GRHL2: variants seen among roughly 807,000 people sequenced by gnomAD.
GRHL2 encodes the protein grainyhead like transcription factor 2, also known as grainyhead-like protein 2 homolog.
In GRHL2, 21 loss-of-function variants were observed where a neutral mutation model predicts 83.8. The observed-to-expected ratio is 0.25, with a 90% CI of 0.18 to 0.36. GRHL2 has a LOEUF of 0.36. Ranked by LOEUF, GRHL2 falls within the 10% of genes least tolerant of loss-of-function variation. The pLI is 1.00. For synonymous variants in GRHL2, 280 were observed against 278.9 expected, an observed-to-expected ratio of 1.00 and a Z score of -0.04; for missense variants, 623 against 781.8, an observed-to-expected ratio of 0.80 and a Z score of 2.42.
At chr8:101,671,745 C>T (rs868219558), downstream of GRHL2, among the ~76,000 whole-genome samples, 35 of 152,332 alleles carry the variant, frequency 2.3e-4, no homozygotes, top group South Asian at 6.2e-4. Flanking sequence ...CCTCCTCAAG[C>T]GGGTCCTTGA....
At chr8:101,507,499 CA>C (rs1810364104) in intron 1 of GRHL2, among the ~76,000 whole-genome samples, 1 of 151,874 alleles carries the variant, frequency 6.6e-6, no homozygotes, top group Non-Finnish European at 1.5e-5. Context: ...ATACTGTTAA[CA>C]ATTTGAAATC....
intron 7 of GRHL2, among the ~76,000 whole-genome samples, chr8:101,597,246 A>T (rs580411): frequency 0.97 from 147,471 of 152,186 alleles, 71,637 homozygotes; most frequent in Non-Finnish European, 0.98. Context: ...TATCACAGAG[A>T]TGTCTGTACC....
At chr8:101,520,068 C>T (rs890767144) in intron 1 of GRHL2, among the ~76,000 whole-genome samples, 2 of 152,130 alleles carry the variant, frequency 1.3e-5, no homozygotes, top group African/African-American at 4.8e-5. Flanking sequence ...TTTGTTTGCC[C>T]TATCTCCTTT....
At chr8:101,641,150 A>G (rs1167249335) in intron 12 of GRHL2, among the ~76,000 whole-genome samples, 12 of 152,154 alleles carry the variant, frequency 7.9e-5, no homozygotes, top group Admixed American at 7.9e-4. Context: ...TGATTCTCTC[A>G]AATGATTTAT....
the GRHL2 span, among the ~76,000 whole-genome samples, chr8:101,678,797 AC>A: frequency 6.6e-6 from 1 of 151,856 alleles, no homozygotes. Context: ...ACTGGGAGGC[AC>A]CCCCCAGCAG....
In GRHL2 at chr8:101,667,938, G is replaced by A. The variant is rs1411265684; in HGVS notation, c.*1235G>A. The A allele has an allele frequency of 6.5e-6, 1 of 152,808 alleles. No homozygotes were observed. Among genetic ancestry groups the A allele is most frequent in the Non-Finnish European group, 1.5e-5 (1 of 68,162 alleles). 9.5% of individuals were successfully genotyped at this position (152,808 alleles called of 1,614,324 possible). A position where few individuals can be genotyped will look rare whatever the true frequency, so the allele number is the denominator to read the frequency against. ...AGAGCTGTGAACAGCTCAGCTCTGA[G>A]TCGGCAGGCTGGGGCTTCCTCCTGG... is the stretch of plus-strand genomic sequence containing the variant. On this transcript the variant is annotated 3_prime_UTR_variant, in exon 16 of 16. Transcript: ENST00000646743.
At chr8:101,595,161 C>T (rs1021352617) in intron 7 of GRHL2, among the ~76,000 whole-genome samples, 1 of 152,164 alleles carries the variant, frequency 6.6e-6, no homozygotes. Context: ...ATAGAGGGCT[C>T]ACAGTAAATA....
chr8:101,536,688 G>A (rs1811052313), intron 1 of GRHL2, among the ~76,000 whole-genome samples: 1 of 152,196 alleles, frequency 6.6e-6, no homozygotes, highest in Non-Finnish European at 1.5e-5. Context: ...GACAGATAAT[G>A]ATGAGGAGTG....
intron 1 of GRHL2, among the ~76,000 whole-genome samples, chr8:101,534,072 G>A (rs186982258): frequency 1.3e-5 from 2 of 152,192 alleles, no homozygotes; most frequent in South Asian, 2.1e-4. Flanking sequence ...AGGAGGGAGC[G>A]GGTAATCATA....
intron 4 of GRHL2, among the ~76,000 whole-genome samples, chr8:101,568,534 A>G (rs1811761046): frequency 2.0e-5 from 3 of 152,206 alleles, no homozygotes; most frequent in Admixed American, 6.5e-5. Flanking sequence ...GACACATGAA[A>G]GAATGAATGA....
chr8:101,502,859 T>G (rs377483921), intron 1 of GRHL2, among the ~76,000 whole-genome samples: 4 of 151,636 alleles, frequency 2.6e-5, no homozygotes, highest in African/African-American at 9.7e-5. Flanking sequence ...TTCTCCCCCT[T>G]CTCCCTTTCC....
chr8:101,636,263 T>C (rs1175140428), intron 11 of GRHL2, among the ~76,000 whole-genome samples: 1 of 152,232 alleles, frequency 6.6e-6, no homozygotes, highest in African/African-American at 2.4e-5. Flanking sequence ...CTAAAGTCTG[T>C]CTTTGGAGAT....
intron 3 of GRHL2, among the ~76,000 whole-genome samples, chr8:101,557,517 C>A (rs1023834448): frequency 2.0e-5 from 3 of 152,144 alleles, no homozygotes; most frequent in Admixed American, 6.5e-5. Flanking sequence ...AGTCACCGCA[C>A]CTGACAACAA....
intron 1 of GRHL2, among the ~76,000 whole-genome samples, chr8:101,511,522 A>G (rs1810465177): frequency 6.6e-6 from 1 of 152,080 alleles, no homozygotes; most frequent in Admixed American, 6.5e-5. Flanking sequence ...TAATTTTTGT[A>G]TTTTTAATAG....
At chr8:101,594,094 AAAAAGAG>A (rs1463654637) in intron 7 of GRHL2, among the ~76,000 whole-genome samples, 1,429 of 108,188 alleles carry the variant, frequency 0.013, 100 homozygotes, top group African/African-American at 0.054. Flanking sequence ...AAAAAAAAAA[AAAAAGAG>A]AGAGATAGTG....
chr8:101,642,020 T>C (rs1419666322), intron 12 of GRHL2, among the ~76,000 whole-genome samples: 1 of 152,162 alleles, frequency 6.6e-6, no homozygotes, highest in East Asian at 1.9e-4. Flanking sequence ...TTTTTCTGAA[T>C]TTTTTTATTG....
chr8:101,571,490 TA>T (rs55827087), intron 5 of GRHL2, among the ~76,000 whole-genome samples: 301 of 131,342 alleles, frequency 2.3e-3, no homozygotes, highest in East Asian at 2.5e-3. Context: ...CCCCATTACA[TA>T]AAAAAAAAAA....
At position 101,632,761 on chromosome 8, in the gene GRHL2, C is replaced by T. The variant is rs115332540; in HGVS notation, c.1485+396C>T. ...TAAAGTTGCACAAGAGGGAAGTCTC[C>T]GCTTAAATAAAACTCATTCAACAAA... is the stretch of plus-strand genomic sequence containing the variant. On this transcript the variant is annotated intron_variant, in intron 11 of 15. Coordinates refer to ENST00000646743, the MANE Select transcript of GRHL2 (RefSeq NM_024915.4). 4.2e-3 allele frequency among the ~76,000 whole-genome samples: 645 copies of T among 152,256 alleles called. 5 individuals are homozygous for T. Among genetic ancestry groups the T allele is most frequent in the African/African-American group, 0.014 (598 of 41,544 alleles).
At chr8:101,643,150 C>T (rs1192356624) in intron 12 of GRHL2, among the ~76,000 whole-genome samples, 3 of 151,816 alleles carry the variant, frequency 2.0e-5, no homozygotes, top group East Asian at 3.9e-4. Flanking sequence ...GTCTAAAATC[C>T]CTCATGTCAT....
Sources: gnomAD v4.1 joint callset for allele counts (sites outside exome capture counted in the v4.1 genomes callset) on GRCh38, gnomAD v4.1.1 for gene constraint, MANE v1.5 for transcripts, NCBI Gene and HGNC (gene_info 2026-07-23, HGNC 2026-07-21) for gene names.